The following MALRD1 variants were observed in gnomAD, a reference collection of about 807,000 sequenced individuals.
MALRD1 encodes the protein MAM and LDL receptor class A domain containing 1, also known as MAM and LDL-receptor class A domain-containing protein 1.
In MALRD1, 247 loss-of-function variants were observed where a neutral mutation model predicts 242.1. The observed-to-expected ratio is 1.02, with a 90% CI of 0.92 to 1.13. The LOEUF (loss-of-function observed/expected upper bound fraction) is 1.13. Ranked by LOEUF, MALRD1 falls within the 50% of genes most tolerant of loss-of-function variation. The probability of loss-of-function intolerance (pLI) is 0.00; values close to 1 mark genes in which losing one functional copy is unlikely to be tolerated. For synonymous variants in MALRD1, 995 were observed against 866.6 expected (o/e 1.15, Z -2.60); for missense variants, 2,989 against 2,533.1 (o/e 1.18, Z -3.86).
chr10:19,109,214 T>C (rs1264001302), intron 5 of MALRD1, among the ~76,000 whole-genome samples: 1 of 152,182 alleles, frequency 6.6e-6, no homozygotes, highest in African/African-American at 2.4e-5. Flanking sequence ...GGGGTGGGGA[T>C]GCTGGGCTGT....
At position 19,595,219 on chromosome 10, in the gene MALRD1, CTGTGAAGCTG is replaced by C; in HGVS notation, c.5707_5716del (p.Cys1903IlefsTer25). 6.5e-7 allele frequency: 1 copy of C among 1,550,164 alleles called. No homozygotes were observed. Among genetic ancestry groups the C allele is most frequent in the East Asian group, 2.4e-5 (1 of 40,882 alleles). ...GTCCTGTCCCAGTGCAGCCATCACC[CTGTGAAGCTG>C]ATCAGTTTTCTTGTATCTACACACT... On this transcript the variant is annotated frameshift_variant, in exon 34 of 40. Coordinates refer to ENST00000454679, the MANE Select transcript of MALRD1 (RefSeq NM_001142308.3). LOFTEE classifies it high-confidence loss of function.
intron 14 of MALRD1, among the ~76,000 whole-genome samples, chr10:19,187,372 G>A (rs1451141206): frequency 6.6e-6 from 1 of 152,136 alleles, no homozygotes; most frequent in African/African-American, 2.4e-5. Flanking sequence ...AGTGGTCATA[G>A]TACATCTCAG....
At chr10:19,143,819 C>T (rs1833633163) in intron 10 of MALRD1, among the ~76,000 whole-genome samples, 1 of 152,142 alleles carries the variant, frequency 6.6e-6, no homozygotes, top group Non-Finnish European at 1.5e-5. Flanking sequence ...TTGGAGGTGG[C>T]ATAGAAGGTG....
intron 20 of MALRD1, among the ~76,000 whole-genome samples, chr10:19,280,607 G>C (rs1840755621): frequency 6.6e-6 from 1 of 152,054 alleles, no homozygotes; most frequent in South Asian, 2.1e-4. Flanking sequence ...TTCAAATTTT[G>C]CCATTGCCAA....
chr10:19,288,958 T>C (rs1277559782), intron 21 of MALRD1, among the ~76,000 whole-genome samples: 1 of 152,106 alleles, frequency 6.6e-6, no homozygotes, highest in Non-Finnish European at 1.5e-5. Flanking sequence ...CAGGCTGATT[T>C]CCCCCCTCCC....
chr10:19,533,432 A>C (rs2131355639), intron 32 of MALRD1, among the ~76,000 whole-genome samples: 1 of 152,184 alleles, frequency 6.6e-6, no homozygotes, highest in East Asian at 1.9e-4. Context: ...TTCTGTAGCA[A>C]CAGTCTTGGT....
intron 19 of MALRD1, among the ~76,000 whole-genome samples, chr10:19,260,005 T>A (rs1019967995): frequency 6.6e-6 from 1 of 152,214 alleles, no homozygotes; most frequent in African/African-American, 2.4e-5. Context: ...CAACAGTATT[T>A]GACACATACT....
intron 26 of MALRD1, among the ~76,000 whole-genome samples, chr10:19,381,784 A>G (rs1035096246): frequency 6.6e-6 from 1 of 152,040 alleles, no homozygotes; most frequent in Admixed American, 6.6e-5. Flanking sequence ...GTTTGCAGTG[A>G]GCCGAGATTA....
chr10:19,314,887 G>A (rs1298281872), intron 21 of MALRD1, among the ~76,000 whole-genome samples: 1 of 150,982 alleles, frequency 6.6e-6, no homozygotes, highest in Non-Finnish European at 1.5e-5. Flanking sequence ...AGGTATAAGT[G>A]TTATATATGA....
At chr10:19,625,911 C>G (rs1011479295) in intron 36 of MALRD1, among the ~76,000 whole-genome samples, 1 of 152,020 alleles carries the variant, frequency 6.6e-6, no homozygotes, top group Non-Finnish European at 1.5e-5. Flanking sequence ...ATGGCCTCTG[C>G]TGTTATTTTT....
At chr10:19,352,586 G>T (rs1327266155) in intron 26 of MALRD1, among the ~76,000 whole-genome samples, 1 of 152,078 alleles carries the variant, frequency 6.6e-6, no homozygotes, top group African/African-American at 2.4e-5. Flanking sequence ...TTTGCAGTCT[G>T]CTTCAGAATT....
intron 36 of MALRD1, among the ~76,000 whole-genome samples, chr10:19,651,719 A>C (rs142644248): frequency 1.3e-5 from 2 of 152,176 alleles, no homozygotes; most frequent in Non-Finnish European, 2.9e-5. Context: ...ATATTGCACA[A>C]CATCTCACTG....
At chr10:19,629,786 C>A (rs1300934817) in intron 36 of MALRD1, among the ~76,000 whole-genome samples, 1 of 152,130 alleles carries the variant, frequency 6.6e-6, no homozygotes, top group Non-Finnish European at 1.5e-5. Context: ...CCAATCAGGC[C>A]TCCCCAGTGG....
At chr10:19,143,143 G>A (rs147816196) in intron 10 of MALRD1, among the ~76,000 whole-genome samples, 1 of 152,168 alleles carries the variant, frequency 6.6e-6, no homozygotes, top group Non-Finnish European at 1.5e-5. Context: ...CACAATGATT[G>A]ACATTTTTTA....
chr10:19,164,601 A>C (rs1241625085), intron 12 of MALRD1, among the ~76,000 whole-genome samples: 1 of 152,176 alleles, frequency 6.6e-6, no homozygotes, highest in Admixed American at 6.5e-5. Flanking sequence ...AGCATATCTG[A>C]ACTTGTTTTA....
intron 21 of MALRD1, among the ~76,000 whole-genome samples, chr10:19,310,351 A>G (rs2499062): frequency 0.12 from 17,599 of 151,478 alleles, 1,247 homozygotes; most frequent in South Asian, 0.27. Flanking sequence ...AGAAAGGACA[A>G]TTGAAGGGAT....
At chr10:19,457,561 G>A (rs1835723069) in intron 29 of MALRD1, among the ~76,000 whole-genome samples, 1 of 151,914 alleles carries the variant, frequency 6.6e-6, no homozygotes, top group Non-Finnish European at 1.5e-5. Flanking sequence ...AAGCATGAAA[G>A]GATGTTCTGT....
At chr10:19,067,569 G>C (rs1014146283) in intron 2 of MALRD1, among the ~76,000 whole-genome samples, 1 of 152,072 alleles carries the variant, frequency 6.6e-6, no homozygotes, top group African/African-American at 2.4e-5. Flanking sequence ...TTGCCCTGGA[G>C]GTAATTTGAA....
intron 29 of MALRD1, 105 bp downstream of exon 29, chr10:19,450,595 C>T (rs1256110323): frequency 1.0e-6 from 1 of 971,568 alleles, no homozygotes; most frequent in Non-Finnish European, 1.5e-6. Context: ...ATTTTGTACA[C>T]ATACACAAAT....
Sources: gnomAD v4.1 joint callset for allele counts (sites outside exome capture counted in the v4.1 genomes callset) on GRCh38, gnomAD v4.1.1 for gene constraint, MANE v1.5 for transcripts, NCBI Gene and HGNC (gene_info 2026-07-23, HGNC 2026-07-21) for gene names.